PPM1E: variants seen among roughly 807,000 people sequenced by gnomAD.
PPM1E encodes the protein protein phosphatase, Mg2+/Mn2+ dependent 1E.
PPM1E carries 20 observed loss-of-function variants against 65.9 expected under a neutral mutation model. That is an observed-to-expected ratio of 0.30 (90% confidence interval 0.21 to 0.44). PPM1E has a LOEUF of 0.44. Among genes scored for constraint, PPM1E ranks in the 20% least tolerant of loss-of-function variants. PPM1E has a pLI of 1.00. For synonymous variants in PPM1E, 352 were observed against 374.9 expected (o/e 0.94, Z 0.70); for missense variants, 713 against 953.1 (o/e 0.75, Z 3.32).
chr17:58,763,877 AT>A (rs1213108528), intron 1 of PPM1E, among the ~76,000 whole-genome samples: 1 of 152,106 alleles, frequency 6.6e-6, no homozygotes, highest in African/African-American at 2.4e-5. Flanking sequence ...TTCCATAATG[AT>A]TTATAAGATC....
chr17:58,949,455 T>G (rs1374084390), intron 1 of PPM1E, among the ~76,000 whole-genome samples: 1 of 152,190 alleles, frequency 6.6e-6, no homozygotes, highest in Non-Finnish European at 1.5e-5. Context: ...GTTTGTTTGC[T>G]TTGTTGTTGT....
chr17:58,910,051 C>T (rs1474615140), intron 1 of PPM1E, among the ~76,000 whole-genome samples: 15 of 150,742 alleles, frequency 1.0e-4, no homozygotes, highest in Admixed American at 2.0e-4. Flanking sequence ...TATAGGTGCC[C>T]GCCACCACAC....
In PPM1E at chr17:58,755,973, G is replaced by A. The variant is rs779827830; in HGVS notation, c.-25G>A. 8.1e-6 allele frequency: 13 copies of A among 1,613,508 alleles called. No homozygotes were observed. In the Admixed American group the frequency reaches 1.5e-4, roughly 19 times the overall value. On this transcript the variant is annotated 5_prime_UTR_variant, in exon 1 of 7. Transcript: ENST00000308249. ...CTGGGCTTCCCCCAACCCCTTTCCCGGTCTGCCCTGGGGCATGAGCAGCGA... is the reference window on the plus strand; with the variant it reads ...CTGGGCTTCCCCCAACCCCTTTCCCAGTCTGCCCTGGGGCATGAGCAGCGA...
intron 1 of PPM1E, among the ~76,000 whole-genome samples, chr17:58,846,889 G>A (rs2050777245): frequency 6.6e-6 from 1 of 152,144 alleles, no homozygotes; most frequent in Admixed American, 6.5e-5. Context: ...CCCACCAACA[G>A]TGTAAAAGTG....
chr17:58,880,686 C>G (rs2051185094), intron 1 of PPM1E, among the ~76,000 whole-genome samples: 1 of 152,076 alleles, frequency 6.6e-6, no homozygotes, highest in South Asian at 2.1e-4. Context: ...TGCAGTGACA[C>G]GATCTCGGCT....
intron 1 of PPM1E, among the ~76,000 whole-genome samples, chr17:58,896,609 A>G (rs1037335398): frequency 1.3e-5 from 2 of 152,134 alleles, no homozygotes; most frequent in African/African-American, 4.8e-5. Context: ...AATAAAAAGA[A>G]GTTGCAGAAG....
chr17:58,960,857 A>G (rs991039451), intron 2 of PPM1E, among the ~76,000 whole-genome samples: 2 of 152,092 alleles, frequency 1.3e-5, no homozygotes, highest in African/African-American at 4.8e-5. Context: ...ATTAAGAAAT[A>G]TGAAGGACTT....
At chr17:58,772,118 A>G (rs886306685) in intron 1 of PPM1E, among the ~76,000 whole-genome samples, 2 of 152,152 alleles carry the variant, frequency 1.3e-5, no homozygotes, top group South Asian at 2.1e-4. Context: ...TCTGACTCCA[A>G]AGCTTGTTAT....
At chr17:58,875,019 CT>C (rs1387721551) in intron 1 of PPM1E, among the ~76,000 whole-genome samples, 14 of 152,192 alleles carry the variant, frequency 9.2e-5, no homozygotes, top group African/African-American at 2.9e-4. Flanking sequence ...GGTGTGTGTC[CT>C]TTTAACTCAT....
chr17:58,957,846 A>G (rs2029901426), intron 2 of PPM1E, among the ~76,000 whole-genome samples: 1 of 152,230 alleles, frequency 6.6e-6, no homozygotes, highest in Non-Finnish European at 1.5e-5. Context: ...CAGACAACCT[A>G]AAACCAATTT....
At chr17:58,778,653 G>A (rs988640070) in intron 1 of PPM1E, among the ~76,000 whole-genome samples, 2 of 151,408 alleles carry the variant, frequency 1.3e-5, no homozygotes, top group African/African-American at 2.4e-5. Flanking sequence ...CAAGCAATCT[G>A]CCCGCCTCAG....
At position 58,851,323 on chromosome 17, in the gene PPM1E, A is replaced by C. The variant is rs148559435; in HGVS notation, c.464+94862A>C. ...GTCCAGCTTTGTTCTGTTGCTGACG[A>C]GGAGCTGTGTTCCTTTGGAGGAGAA... On this transcript the variant is annotated intron_variant, in intron 1 of 6. Transcript: ENST00000308249. Among the ~76,000 whole-genome samples, 74 of 152,282 alleles carry C rather than the reference A, an allele frequency of 4.9e-4. No homozygotes were observed. The East Asian group carries it at 0.012, about 24-fold the overall frequency.
intron 1 of PPM1E, among the ~76,000 whole-genome samples, chr17:58,867,444 CAAGG>C (rs1356697797): frequency 6.6e-6 from 1 of 152,138 alleles, no homozygotes; most frequent in Non-Finnish European, 1.5e-5. Context: ...GGGGCTTGTA[CAAGG>C]AATAATCAAG....
At chr17:58,875,923 A>G (rs1044502564) in intron 1 of PPM1E, among the ~76,000 whole-genome samples, 6 of 152,204 alleles carry the variant, frequency 3.9e-5, no homozygotes, top group Non-Finnish European at 7.4e-5. Context: ...GAGATATAGT[A>G]CAAAGACTTC....
At chr17:58,798,535 T>A (rs1183241520) in intron 1 of PPM1E, among the ~76,000 whole-genome samples, 1 of 151,010 alleles carries the variant, frequency 6.6e-6, no homozygotes, top group Non-Finnish European at 1.5e-5. Flanking sequence ...ATTTTTTTTT[T>A]TTTTTTTTTT....
At chr17:58,821,054 ATAAT>A (rs1218780553) in intron 1 of PPM1E, among the ~76,000 whole-genome samples, 14 of 152,064 alleles carry the variant, frequency 9.2e-5, no homozygotes, top group Non-Finnish European at 2.9e-5. Flanking sequence ...ATTATTATAT[ATAAT>A]TAATATTATA....
intron 1 of PPM1E, among the ~76,000 whole-genome samples, chr17:58,884,072 C>G (rs550389898): frequency 1.3e-5 from 2 of 152,290 alleles, no homozygotes; most frequent in East Asian, 3.9e-4. Context: ...ATGATACCTG[C>G]GTCCTCTACT....
At chr17:58,943,891 A>T (rs569857526) in intron 1 of PPM1E, among the ~76,000 whole-genome samples, 15 of 152,292 alleles carry the variant, frequency 9.8e-5, no homozygotes, top group African/African-American at 3.4e-4. Context: ...TGAGCACTAG[A>T]ACAGTGCCTG....
At chr17:58,798,810 C>T (rs1219362146) in intron 1 of PPM1E, among the ~76,000 whole-genome samples, 1 of 152,032 alleles carries the variant, frequency 6.6e-6, no homozygotes, top group Non-Finnish European at 1.5e-5. Flanking sequence ...ACTCATGTCT[C>T]AGCCTCCTGA....
Sources: gnomAD v4.1 joint callset for allele counts (sites outside exome capture counted in the v4.1 genomes callset) on GRCh38, gnomAD v4.1.1 for gene constraint, MANE v1.5 for transcripts, NCBI Gene and HGNC (gene_info 2026-07-23, HGNC 2026-07-21) for gene names.